CSRNP3: variants seen among roughly 807,000 people sequenced by gnomAD.
CSRNP3 encodes the protein cysteine and serine rich nuclear protein 3.
A neutral mutation model predicts 48.0 loss-of-function variants in CSRNP3; 12 were observed. That is an observed-to-expected ratio of 0.25 (90% confidence interval 0.16 to 0.41). The LOEUF is 0.41. CSRNP3 is among the 10% of genes least tolerant of loss of function. CSRNP3 has a pLI of 1.00. For synonymous variants in CSRNP3, 263 were observed against 269.7 expected (o/e 0.98, Z 0.24); for missense variants, 580 against 724.4 (o/e 0.80, Z 2.29).
chr2:165,629,542 C>G (rs749394669), intron 4 of CSRNP3, among the ~76,000 whole-genome samples: 1 of 152,128 alleles, frequency 6.6e-6, no homozygotes, highest in South Asian at 2.1e-4. Flanking sequence ...GTTTTGTTTT[C>G]TGTGAGGCAG....
At chr2:165,563,230 G>A (rs1226272301) in intron 3 of CSRNP3, among the ~76,000 whole-genome samples, 1 of 152,112 alleles carries the variant, frequency 6.6e-6, no homozygotes, top group East Asian at 1.9e-4. Flanking sequence ...CCTGGTGGAG[G>A]AGTGGATGGA....
chr2:165,621,039 C>A (rs1157160286), intron 4 of CSRNP3, among the ~76,000 whole-genome samples: 1 of 151,976 alleles, frequency 6.6e-6, no homozygotes, highest in Non-Finnish European at 1.5e-5. Context: ...TATAGGTAAC[C>A]TGGCCTCTCT....
At position 165,688,555 on chromosome 2, in the gene CSRNP3, T is replaced by C. The variant is rs1476344320; in HGVS notation, c.*8802T>C. 1 of 152,194 alleles carries C rather than the reference T, an allele frequency of 6.6e-6. No homozygotes were observed. The highest frequency in any genetic ancestry group is 2.4e-5 in the African/African-American group (1 of 41,464). 9.4% of individuals were successfully genotyped at this position (152,194 alleles called of 1,614,324 possible). A position where few individuals can be genotyped will look rare whatever the true frequency, so the allele number is the denominator to read the frequency against. ...GACATATGTCACTTTTTGCAGTGTC[T>C]TCATCTTGATCATAGTTTTAGACAT... On this transcript the variant is annotated 3_prime_UTR_variant, in exon 7 of 7. Transcript: ENST00000651982.
chr2:165,548,920 G>A (rs757047336), intron 3 of CSRNP3, among the ~76,000 whole-genome samples: 1 of 150,720 alleles, frequency 6.6e-6, no homozygotes, highest in Non-Finnish European at 1.5e-5. Flanking sequence ...ATTCTAGTCT[G>A]GATAAAAAGA....
At chr2:165,567,319 G>A (rs139943946) in intron 3 of CSRNP3, among the ~76,000 whole-genome samples, 117 of 152,052 alleles carry the variant, frequency 7.7e-4, no homozygotes, top group Non-Finnish European at 1.3e-3. Flanking sequence ...CTTTTCTCTC[G>A]ATAAATGCTG....
chr2:165,510,121 G>T (rs1172329068), intron 2 of CSRNP3, among the ~76,000 whole-genome samples: 1 of 152,082 alleles, frequency 6.6e-6, no homozygotes, highest in East Asian at 1.9e-4. Flanking sequence ...TTAGTCAGTT[G>T]GTTGAGATAG....
At chr2:165,635,127 C>G (rs1686606444) in intron 4 of CSRNP3, among the ~76,000 whole-genome samples, 1 of 152,192 alleles carries the variant, frequency 6.6e-6, no homozygotes, top group Non-Finnish European at 1.5e-5. Flanking sequence ...CACTGAGAAG[C>G]CCTGCAGCAG....
intron 3 of CSRNP3, among the ~76,000 whole-genome samples, chr2:165,546,954 G>T (rs1021457447): frequency 6.6e-6 from 1 of 152,134 alleles, no homozygotes; most frequent in Non-Finnish European, 1.5e-5. Context: ...ACATTAGTAA[G>T]CATTGTAAAA....
At chr2:165,580,132 G>A (rs367976103) in intron 3 of CSRNP3, among the ~76,000 whole-genome samples, 2 of 151,830 alleles carry the variant, frequency 1.3e-5, no homozygotes, top group Non-Finnish European at 2.9e-5. Context: ...GTTTCACCAC[G>A]TTAGCCAGGA....
chr2:165,544,224 C>A (rs182036618), intron 3 of CSRNP3, among the ~76,000 whole-genome samples: 2 of 152,168 alleles, frequency 1.3e-5, no homozygotes, highest in African/African-American at 4.8e-5. Flanking sequence ...GCCAAGGAGT[C>A]ATCTGGAGAA....
chr2:165,538,593 G>A (rs1684912680), intron 3 of CSRNP3, among the ~76,000 whole-genome samples: 1 of 151,802 alleles, frequency 6.6e-6, no homozygotes, highest in African/African-American at 2.4e-5. Context: ...AATTGCTTTT[G>A]AAATGAATTA....
At chr2:165,530,660 T>C (rs902743518) in intron 3 of CSRNP3, among the ~76,000 whole-genome samples, 6 of 152,146 alleles carry the variant, frequency 3.9e-5, no homozygotes, top group African/African-American at 1.4e-4. Flanking sequence ...ATTTTTTTCC[T>C]TATAAAATAT....
In CSRNP3 at chr2:165,574,377, C is replaced by T. The variant is rs758190576; in HGVS notation, c.-23-20666C>T. The T allele has an allele frequency of 3.2e-6, 5 of 1,550,076 alleles. No homozygotes were observed. In the South Asian group the frequency reaches 3.6e-5, roughly 11 times the overall value. On this transcript the variant is annotated intron_variant, in intron 3 of 6. Coordinates refer to ENST00000651982, the MANE Select transcript of CSRNP3 (RefSeq NM_001172173.2). The stretch of plus-strand genomic sequence containing the variant: ...CAGTTAAATGAAGTGTGCTTTATTT[C>T]TGAGAGTGAAGATTTTACAGCGTGT...
At chr2:165,645,873 G>GT (rs968698888) in intron 4 of CSRNP3, among the ~76,000 whole-genome samples, 50 of 151,712 alleles carry the variant, frequency 3.3e-4, no homozygotes, top group Middle Eastern at 3.4e-3. Context: ...AGCCTTGTAG[G>GT]TTTTTTTTGT....
At chr2:165,601,036 A>T (rs560577406) in intron 4 of CSRNP3, among the ~76,000 whole-genome samples, 1 of 152,220 alleles carries the variant, frequency 6.6e-6, no homozygotes. Context: ...CAATAAGGTC[A>T]TTATGGCTTT....
chr2:165,674,061 A>C (rs2105361462), intron 5 of CSRNP3, among the ~76,000 whole-genome samples: 1 of 152,096 alleles, frequency 6.6e-6, no homozygotes, highest in Non-Finnish European at 1.5e-5. Context: ...AAATAAATCA[A>C]TCTCTGTTGA....
chr2:165,631,434 G>A (rs568907068), intron 4 of CSRNP3, among the ~76,000 whole-genome samples: 1 of 152,318 alleles, frequency 6.6e-6, no homozygotes, highest in East Asian at 1.9e-4. Flanking sequence ...CAAGTTGCCT[G>A]TCTTCTGTGG....
At chr2:165,523,406 C>T (rs1684689568) in intron 3 of CSRNP3, among the ~76,000 whole-genome samples, 1 of 152,024 alleles carries the variant, frequency 6.6e-6, no homozygotes, top group South Asian at 2.1e-4. Context: ...AATTTCTGTC[C>T]TCTTCAACTC....
intron 4 of CSRNP3, among the ~76,000 whole-genome samples, chr2:165,637,350 T>C (rs1254624055): frequency 6.6e-6 from 1 of 152,232 alleles, no homozygotes; most frequent in Non-Finnish European, 1.5e-5. Context: ...GAAACACTAC[T>C]ACCCAGTGGG....
Sources: allele counts gnomAD v4.1 joint callset (sites outside exome capture counted in the v4.1 genomes callset), GRCh38; gene constraint gnomAD v4.1.1; transcripts MANE v1.5; gene names NCBI Gene and HGNC (gene_info 2026-07-23, HGNC 2026-07-21).